Variants in NLRC5 observed in about 807,000 individuals in gnomAD.
NLRC5 encodes the protein protein NLRC5.
A neutral mutation model predicts 206.9 loss-of-function variants in NLRC5; 114 were observed. The observed-to-expected ratio is 0.55, with a 90% CI of 0.47 to 0.64. The LOEUF (loss-of-function observed/expected upper bound fraction) is 0.64, where lower values mean the gene tolerates loss of function less well. Ranked by LOEUF, NLRC5 falls within the 30% of genes least tolerant of loss-of-function variation. The pLI, the probability that NLRC5 is intolerant of heterozygous loss-of-function variation, is 0.00. For missense variants in NLRC5, 2,008 were observed against 2,305.5 expected, an observed-to-expected ratio of 0.87 and a Z score of 2.64; for synonymous variants, 952 against 962.8, an observed-to-expected ratio of 0.99 and a Z score of 0.21.
At position 57,026,911 on chromosome 16, in the gene NLRC5, C is replaced by T; in HGVS notation, c.1968C>T (p.Asn656=). ...GCACCGACCTGGCCACCCTGACCAA[C>T]ATCCTAGAGCACAGGGAGGCCCCCA... ...LTCTDLATLT[N]ILEHREAPIH... The change falls in exon 6 of 49, where the codon AAC becomes AAT. Residue 656 remains asparagine, a synonymous_variant. Transcript: ENST00000688547. 1 of 1,614,232 alleles carries T rather than the reference C, an allele frequency of 6.2e-7. No individual in the cohort carries two copies. The highest frequency in any genetic ancestry group is 8.5e-7 in the Non-Finnish European group (1 of 1,180,048).
intron 43 of NLRC5, 68 bp downstream of exon 43, chr16:57,078,088 GT>G (rs1217253426): frequency 1.6e-4 from 220 of 1,336,752 alleles, no homozygotes; most frequent in East Asian, 1.2e-3. Flanking sequence ...CAGTGGGGGG[GT>G]CCAGGCCCCC....
chr16:57,062,023 A>T (rs1347433767), intron 32 of NLRC5: 1 of 1,409,980 alleles, frequency 7.1e-7, no homozygotes, highest in East Asian at 3.4e-5. Context: ...GTTCACTATG[A>T]TCATTTTAAA....
rs776926607 is a variant in NLRC5, at chr16:57,031,354, G to A, written c.2418-50G>A. ...AAAGGGTGTGCCTGTGGTGGGTGATGTGCTGGTTTCCAGTCTCTGGGTTTC... is the reference window on the plus strand; with the variant it reads ...AAAGGGTGTGCCTGTGGTGGGTGATATGCTGGTTTCCAGTCTCTGGGTTTC... On this transcript the variant is annotated intron_variant, in intron 10 of 48. Coordinates refer to ENST00000688547, the MANE Select transcript of NLRC5 (RefSeq NM_001384950.1). The A allele has an allele frequency of 2.7e-5, 43 of 1,597,018 alleles. No homozygotes were observed. The Admixed American group carries it at 7.0e-4, about 26-fold the overall frequency.
chr16:57,047,976 C>G (rs1383092507), intron 23 of NLRC5: 2 of 282,792 alleles, frequency 7.1e-6, no homozygotes, highest in Non-Finnish European at 1.4e-5. Context: ...TGGAGCGTAG[C>G]ACTTCTGAAA....
chr16:57,029,851 G>T lies in NLRC5; in HGVS notation c.2322G>T (p.Lys774Asn). ...TCCCTCACCTACCACGGCTCCGGAAGCTTGAGTAAGTGATCTTTCCACTGC... is the reference window on the plus strand; with the variant it reads ...TCCCTCACCTACCACGGCTCCGGAATCTTGAGTAAGTGATCTTTCCACTGC... ...EVLPHLPRLRKLDLSSNSICV... is the reference protein window; with the variant it reads ...EVLPHLPRLRNLDLSSNSICV... Residue 774 changes from lysine (K) to asparagine (N), a missense_variant, in exon 9 of 49, where the codon AAG (lysine) becomes AAT (asparagine). Transcript: ENST00000688547. The T allele has an allele frequency of 6.2e-7, 1 of 1,614,056 alleles. No individual in the cohort carries two copies. The highest frequency in any genetic ancestry group is 1.7e-5 in the Admixed American group (1 of 60,030).
rs2061460542 is a variant in NLRC5, at chr16:57,028,382, T to C, written c.2240T>C (p.Val747Ala). The change falls in exon 8 of 49, where the codon GTC (valine) becomes GCC (alanine). Residue 747 changes from valine to alanine, a missense_variant. By Grantham distance (64) the Val-to-Ala change is moderately conservative (BLOSUM62 0). Coordinates refer to ENST00000688547, the MANE Select transcript of NLRC5 (RefSeq NM_001384950.1). The part of the protein sequence containing the change: ...ALPLCPQLKE[V>A]SFRDNQLSDQ... ...CCTCTCTGTCCACAGCTGAAAGAAG[T>C]CAGGTGAGTGATCTCCAGGAGGGCT... is the stretch of plus-strand genomic sequence containing the variant. The C allele has an allele frequency of 1.2e-6, 2 of 1,613,536 alleles. No individual in the cohort carries two copies. The highest frequency in any genetic ancestry group is 1.7e-6 in the Non-Finnish European group (2 of 1,179,488).
Position 57,055,056 on chromosome 16 carries a change from C to T in NLRC5, c.3621C>T (p.His1207=). The T allele has an allele frequency of 6.2e-7, 1 of 1,614,236 alleles. No homozygotes were observed. Among genetic ancestry groups the T allele is most frequent in the Non-Finnish European group, 8.5e-7 (1 of 1,180,050 alleles). Residue 1207 remains histidine, a synonymous_variant, in exon 26 of 49, where the codon CAC becomes CAT. Coordinates refer to ENST00000688547, the MANE Select transcript of NLRC5 (RefSeq NM_001384950.1). ...DLRSLHHATL[H]FRSNEEEEGV... ...GGTCCCTGCACCATGCAACTTTGCA[C>T]TTCAGATCCAACGAGGAGGAGGAAG... is the stretch of plus-strand genomic sequence containing the variant.
intron 38 of NLRC5, among the ~76,000 whole-genome samples, chr16:57,072,763 GA>G (rs2067937543): frequency 6.6e-6 from 1 of 152,036 alleles, no homozygotes; most frequent in African/African-American, 2.4e-5. Context: ...ATGCCCCGGG[GA>G]TGACACCCCC....
At chr16:57,050,536 G>T (rs562607030) in intron 23 of NLRC5, among the ~76,000 whole-genome samples, 96 of 147,258 alleles carry the variant, frequency 6.5e-4, no homozygotes, top group African/African-American at 2.2e-3. Context: ...GGCAGAAGGA[G>T]AACATAGTAG....
At chr16:56,997,512 T>A (rs2057752929) in intron 1 of NLRC5, among the ~76,000 whole-genome samples, 1 of 152,186 alleles carries the variant, frequency 6.6e-6, no homozygotes, top group Non-Finnish European at 1.5e-5. Flanking sequence ...AGCACTAAAA[T>A]GTTGAAATCA....
chr16:57,007,905 T>A (rs1433315359), intron 1 of NLRC5, among the ~76,000 whole-genome samples: 1 of 152,234 alleles, frequency 6.6e-6, no homozygotes, highest in African/African-American at 2.4e-5. Flanking sequence ...TATAACCTTG[T>A]CTGTGATGCA....
chr16:56,998,269 T>C (rs1331727958), intron 1 of NLRC5, among the ~76,000 whole-genome samples: 1 of 152,040 alleles, frequency 6.6e-6, no homozygotes, highest in Non-Finnish European at 1.5e-5. Context: ...TCAGTCTTCC[T>C]TGCAGAAAGT....
chr16:57,065,217 A>G lies in NLRC5; in HGVS notation c.4160A>G (p.Gln1387Arg). ...TGTGTCCCCTTCTGTGACAGGGTGC[A>G]GGAGCCGTGGGCGGACAGAGCCAGG... is the stretch of plus-strand genomic sequence containing the variant. Reference protein sequence around the residue: ...RPAGLFSLRVQEPWADRARVL... With the variant: ...RPAGLFSLRVREPWADRARVL... Residue 1387 changes from glutamine (Q) to arginine (R), a missense_variant, in exon 33 of 49, where the codon CAG becomes CGG. Physicochemically the swap from Gln to Arg is conservative, Grantham distance 43. Transcript: ENST00000688547. 2 of 1,554,782 alleles carry G rather than the reference A, an allele frequency of 1.3e-6. No individual in the cohort carries two copies. Among genetic ancestry groups the G allele is most frequent in the South Asian group, 1.2e-5 (1 of 84,228 alleles).
At chr16:57,080,960 C>G in intron 46 of NLRC5, 138 bp from the exon 47 acceptor site, 1 of 677,196 alleles carries the variant, frequency 1.5e-6, no homozygotes, top group South Asian at 1.8e-5. Flanking sequence ...GGAGGACACA[C>G]AAGCACCCTA....
In NLRC5 at chr16:57,059,503, C is replaced by T. The variant is rs1343710285; in HGVS notation, c.3957C>T (p.Ser1319=). ...AGCAGAGCTTCCGGATTCACTTCTC[C>T]AGAGAGGACCAGGCTGGGAAGACAC... ...GSEQSFRIHF[S]REDQAGKTLR... Residue 1319 remains serine, a synonymous_variant, in exon 30 of 49, where the codon TCC becomes TCT. Coordinates refer to ENST00000688547, the MANE Select transcript of NLRC5 (RefSeq NM_001384950.1). 18 of 1,612,086 alleles carry T rather than the reference C, an allele frequency of 1.1e-5. No homozygotes were observed. Among genetic ancestry groups the T allele is most frequent in the Non-Finnish European group, 1.5e-5 (18 of 1,179,166 alleles).
intron 1 of NLRC5, among the ~76,000 whole-genome samples, chr16:57,014,396 G>A (rs545573974): frequency 6.6e-6 from 1 of 152,212 alleles, no homozygotes; most frequent in South Asian, 2.1e-4. Flanking sequence ...ATTATGTTTG[G>A]AAGCTTTTTT....
chr16:56,998,668 C>T (rs1308537048), intron 1 of NLRC5, among the ~76,000 whole-genome samples: 1 of 152,154 alleles, frequency 6.6e-6, no homozygotes, highest in Non-Finnish European at 1.5e-5. Context: ...CTATTATCGA[C>T]CTGTGGGAAG....
At chr16:57,019,271 C>T (rs1042167393) in intron 2 of NLRC5, among the ~76,000 whole-genome samples, 1 of 152,170 alleles carries the variant, frequency 6.6e-6, no homozygotes. Flanking sequence ...GTGGTGTGCA[C>T]CTGTAATCCC....
At chr16:57,040,106 G>C (rs2063097807) in intron 16 of NLRC5, among the ~76,000 whole-genome samples, 1 of 152,214 alleles carries the variant, frequency 6.6e-6, no homozygotes, top group South Asian at 2.1e-4. Flanking sequence ...GCAGGAGTTG[G>C]GTAGCCAGAG....
Sources: gnomAD v4.1 joint callset for allele counts (sites outside exome capture counted in the v4.1 genomes callset) on GRCh38, gnomAD v4.1.1 for gene constraint, MANE v1.5 for transcripts, NCBI Gene and HGNC (gene_info 2026-07-23, HGNC 2026-07-21) for gene names.